The following STAM2 variants were observed in gnomAD, a reference collection of about 807,000 sequenced individuals.
The protein encoded by STAM2 is signal transducing adapter molecule 2.
STAM2 carries 51 observed loss-of-function variants against 65.6 expected under a neutral mutation model. The ratio of observed to expected loss-of-function variants is 0.78; its 90% confidence interval spans 0.62 to 0.98. STAM2 has a LOEUF of 0.98. STAM2 is among the 50% of genes least tolerant of loss of function. STAM2 has a pLI of 0.00. For synonymous variants in STAM2, 198 were observed against 208.4 expected (o/e 0.95, Z 0.43); for missense variants, 584 against 617.8 (o/e 0.95, Z 0.58).
intron 2 of STAM2, among the ~76,000 whole-genome samples, chr2:152,148,876 ATCTT>A (rs1021978542): frequency 5.3e-5 from 8 of 152,180 alleles, no homozygotes; most frequent in African/African-American, 1.4e-4. Flanking sequence ...CGTATACCAG[ATCTT>A]TCTATTTCTT....
chr2:152,169,433 T>C (rs185756093), intron 1 of STAM2, among the ~76,000 whole-genome samples: 18 of 152,118 alleles, frequency 1.2e-4, no homozygotes, highest in Non-Finnish European at 2.1e-4. Flanking sequence ...CGCGCCACCA[T>C]GCTCAGCTAA....
Position 152,120,817 on chromosome 2 carries a change from T to A in STAM2, c.1350-15A>T. The stretch of plus-strand genomic sequence containing the variant: ...CTTGTCCAGTGCTACAAACAAAATT[T>A]TAAAAAGAAAACCATATTTACTTTG... On this transcript the variant is annotated splice_polypyrimidine_tract_variant and intron_variant, in intron 13 of 13. Transcript: ENST00000263904. The A allele has an allele frequency of 6.2e-7, 1 of 1,601,736 alleles. No homozygotes were observed. The highest frequency in any genetic ancestry group is 8.6e-7 in the Non-Finnish European group (1 of 1,168,984).
At chr2:152,135,686 C>T (rs1015212899) in intron 7 of STAM2, 83 bp from the exon 8 acceptor site, 2 of 916,864 alleles carry the variant, frequency 2.2e-6, no homozygotes, top group African/African-American at 3.4e-5. Context: ...TAAATTTAGC[C>T]TCCTTTGAAT....
chr2:152,174,368 G>C (rs1316866839), intron 1 of STAM2, among the ~76,000 whole-genome samples: 1 of 152,150 alleles, frequency 6.6e-6, no homozygotes, highest in East Asian at 1.9e-4. Context: ...GTTCCAAAAG[G>C]AAACAGTGAG....
intron 6 of STAM2, 174 bp downstream of exon 6, chr2:152,144,714 C>G: frequency 2.0e-6 from 1 of 490,506 alleles, no homozygotes; most frequent in South Asian, 2.4e-5. Context: ...AATTTTTGTA[C>G]TTTTAGTAGA....
chr2:152,147,832 A>G (rs115437811), intron 4 of STAM2, among the ~76,000 whole-genome samples, 192 bp downstream of exon 4: 2,613 of 152,328 alleles, frequency 0.017, 68 homozygotes, highest in African/African-American at 0.06. Flanking sequence ...TATTATTTAC[A>G]GTATATATAC....
chr2:152,159,020 GA>G (rs566441869), intron 1 of STAM2, among the ~76,000 whole-genome samples: 7 of 142,656 alleles, frequency 4.9e-5, no homozygotes, highest in Admixed American at 1.4e-4. Context: ...TTAATAGGAG[GA>G]AAAAAAACCT....
chr2:152,135,171 C>G (rs2105537381), intron 8 of STAM2, among the ~76,000 whole-genome samples: 1 of 152,312 alleles, frequency 6.6e-6, no homozygotes, highest in Non-Finnish European at 1.5e-5. Context: ...ACTGATGAAT[C>G]AAAACACTCT....
chr2:152,142,290 A>G (rs1273307732), intron 7 of STAM2, among the ~76,000 whole-genome samples: 2 of 152,188 alleles, frequency 1.3e-5, no homozygotes, highest in East Asian at 3.9e-4. Flanking sequence ...GTGAGCAGTA[A>G]TTTATTTTAG....
At chr2:152,138,240 T>G (rs1689189799) in intron 7 of STAM2, among the ~76,000 whole-genome samples, 1 of 152,140 alleles carries the variant, frequency 6.6e-6, no homozygotes, top group Admixed American at 6.5e-5. Flanking sequence ...ACATAATATG[T>G]AAAAATATAT....
At position 152,173,408 on chromosome 2, in the gene STAM2, T is replaced by A. The variant is rs907105058; in HGVS notation, c.40+2195A>T. The stretch of plus-strand genomic sequence containing the variant: ...TATATGTATACATATATATATATAT[T>A]TTTTTTCGAGACGGAGTCTTGCTCT... On this transcript the variant is annotated intron_variant, in intron 1 of 13. Coordinates refer to ENST00000263904, the MANE Select transcript of STAM2 (RefSeq NM_005843.6). Among the ~76,000 whole-genome samples, 182 of 98,656 alleles carry A rather than the reference T, an allele frequency of 1.8e-3. 2 individuals carry two copies. The highest frequency in any genetic ancestry group is 5.1e-3 in the African/African-American group (154 of 30,298). The allele number at this position is 98,656 out of a possible 152,430, so 64.7% of individuals were successfully genotyped here.
chr2:152,122,899 T>C (rs1179356469), intron 13 of STAM2, among the ~76,000 whole-genome samples: 1 of 150,286 alleles, frequency 6.7e-6, no homozygotes, highest in Non-Finnish European at 1.5e-5. Flanking sequence ...AACCCCACCT[T>C]GACAAAAAAA....
intron 1 of STAM2, among the ~76,000 whole-genome samples, chr2:152,164,341 CTT>C (rs1195012082): frequency 3.2e-4 from 45 of 141,712 alleles, no homozygotes; most frequent in Admixed American, 4.2e-4. Context: ...CCATGATTAA[CTT>C]TTTTTTTTTT....
intron 7 of STAM2, among the ~76,000 whole-genome samples, chr2:152,141,752 G>A (rs910894462): frequency 2.6e-5 from 4 of 151,342 alleles, no homozygotes; most frequent in Admixed American, 1.3e-4. Flanking sequence ...CACCATGCAC[G>A]GCTAATTTTT....
chr2:152,170,566 C>T (rs960521050), intron 1 of STAM2, among the ~76,000 whole-genome samples: 1 of 151,750 alleles, frequency 6.6e-6, no homozygotes, highest in East Asian at 1.9e-4. Context: ...TCTGTAGGTG[C>T]AAGAAATTGA....
intron 2 of STAM2, among the ~76,000 whole-genome samples, chr2:152,149,757 C>T (rs574391840): frequency 3.3e-5 from 5 of 152,286 alleles, no homozygotes; most frequent in African/African-American, 9.6e-5. Context: ...CTCGGCCTCT[C>T]AAAGTTCTGG....
At position 152,163,474 on chromosome 2, in the gene STAM2, T is replaced by C. The variant is rs1463003322; in HGVS notation, c.40+12129A>G. On this transcript the variant is annotated intron_variant, in intron 1 of 13. Transcript: ENST00000263904. ...CTGTACAAATTGATTGTAAAAGACG[T>C]GTGTTTGAATAATAAATCTGATTGT... Among the ~76,000 whole-genome samples, 5 of 15,588 alleles carry C rather than the reference T, an allele frequency of 3.2e-4. No individual in the cohort carries two copies. In the East Asian group the frequency reaches 0.011, roughly 34 times the overall value. The allele number at this position is 15,588 out of a possible 152,430, so 10.2% of individuals were successfully genotyped here. A position where few individuals can be genotyped will look rare whatever the true frequency, so the allele number is the denominator to read the frequency against.
intron 4 of STAM2, among the ~76,000 whole-genome samples, 157 bp downstream of exon 4, chr2:152,147,867 T>C (rs1246430263): frequency 6.6e-6 from 1 of 152,190 alleles, no homozygotes; most frequent in Non-Finnish European, 1.5e-5. Flanking sequence ...TTTTTGGTGC[T>C]ACACATTAAA....
chr2:152,132,997 G>A (rs1011585576), intron 10 of STAM2, among the ~76,000 whole-genome samples, 176 bp downstream of exon 10: 4 of 151,980 alleles, frequency 2.6e-5, no homozygotes, highest in African/African-American at 7.2e-5. Context: ...AAAAGGATTT[G>A]CAGGTTTATG....
Sources: gnomAD v4.1 joint callset for allele counts (sites outside exome capture counted in the v4.1 genomes callset) on GRCh38, gnomAD v4.1.1 for gene constraint, MANE v1.5 for transcripts, NCBI Gene and HGNC (gene_info 2026-07-23, HGNC 2026-07-21) for gene names.